The following MAP4 variants were observed in gnomAD, a reference collection of about 807,000 sequenced individuals.
The protein encoded by MAP4 is microtubule-associated protein 4.
A neutral mutation model predicts 170.2 loss-of-function variants in MAP4; 76 were observed. That is an observed-to-expected ratio of 0.45 (90% CI 0.37 to 0.54). MAP4 has a LOEUF of 0.54. Ranked by LOEUF, MAP4 falls within the 20% of genes least tolerant of loss-of-function variation. MAP4 has a pLI of 0.00. For missense variants in MAP4, 2,506 were observed against 2,748.0 expected (o/e 0.91, Z 1.97); for synonymous variants, 909 against 994.5 (o/e 0.91, Z 1.62).
At chr3:47,921,997 G>C (rs1427021344) in intron 4 of MAP4, 119 bp from the exon 5 acceptor site, 1 of 592,588 alleles carries the variant, frequency 1.7e-6, no homozygotes, top group Non-Finnish European at 3.0e-6. Context: ...GCCAAGGCTG[G>C]AGTGCAGTGG....
rs751314646 is a variant in MAP4 at position 47,875,907 on chromosome 3, G to C, written c.5542-7C>G. On this transcript the variant is annotated splice_polypyrimidine_tract_variant and splice_region_variant and intron_variant, in intron 11 of 20. Coordinates refer to ENST00000683076, the MANE Select transcript of MAP4 (RefSeq NM_001385682.1). ...GTTGAGTGGTGGCCAAAGGCTTTAG[G>C]TTGATTGTTGTTTATTTTTTATTTT... 4.5e-6 allele frequency: 7 copies of C among 1,571,858 alleles called. No individual in the cohort carries two copies. Among genetic ancestry groups the C allele is most frequent in the Admixed American group, 4.1e-5 (2 of 48,586 alleles).
At position 47,921,814 on chromosome 3, in the gene MAP4, A is replaced by G; in HGVS notation, c.480T>C (p.Ala160=). The G allele has an allele frequency of 6.2e-7, 1 of 1,612,296 alleles. No individual in the cohort carries two copies. The highest frequency in any genetic ancestry group is 8.5e-7 in the Non-Finnish European group (1 of 1,178,290). The change falls in exon 5 of 21, where the codon GCT becomes GCC. Residue 160 remains alanine, a synonymous_variant. Coordinates refer to ENST00000683076, the MANE Select transcript of MAP4 (RefSeq NM_001385682.1). ...ADLVFPSSAT[A]DTSIFAGQND... is the part of the protein sequence containing the mutation. Reference sequence around the variant, plus strand: ...TTTGTCCTGCAAATATTGAAGTATCAGCTGTCGCACTGGAGGGAAAGACCA... The same window carrying G: ...TTTGTCCTGCAAATATTGAAGTATCGGCTGTCGCACTGGAGGGAAAGACCA...
intron 8 of MAP4, 118 bp downstream of exon 8, chr3:47,914,699 T>C (rs2100037670): frequency 1.7e-6 from 2 of 1,211,500 alleles, no homozygotes; most frequent in African/African-American, 1.5e-5. Flanking sequence ...GAGAATTGAC[T>C]TCATAAACTA....
chr3:47,913,654 T>C (rs531449555), intron 8 of MAP4, among the ~76,000 whole-genome samples: 1 of 152,272 alleles, frequency 6.6e-6, no homozygotes, highest in African/African-American at 2.4e-5. Context: ...CCATAAGCAC[T>C]TGATAAATCT....
intron 1 of MAP4, among the ~76,000 whole-genome samples, chr3:48,080,204 G>T (rs772791204): frequency 7.2e-5 from 11 of 152,168 alleles, no homozygotes; most frequent in Middle Eastern, 3.2e-3. Context: ...TCATTATCCG[G>T]AAAATCTTTC....
chr3:47,866,257 A>G (rs2079634921), intron 17 of MAP4, among the ~76,000 whole-genome samples: 1 of 151,708 alleles, frequency 6.6e-6, no homozygotes, highest in African/African-American at 2.4e-5. Context: ...GAATTGACTG[A>G]CCCTGGTAGG....
At chr3:47,987,928 C>T (rs1040609271) in intron 2 of MAP4, among the ~76,000 whole-genome samples, 1 of 152,180 alleles carries the variant, frequency 6.6e-6, no homozygotes, top group South Asian at 2.1e-4. Context: ...GGCACGGTGG[C>T]TCACGCCTGT....
intron 8 of MAP4, 128 bp downstream of exon 8, chr3:47,914,689 G>A: frequency 9.1e-7 from 1 of 1,096,536 alleles, no homozygotes; most frequent in Middle Eastern, 2.2e-4. Context: ...ATCTGTCTAA[G>A]AGAATTGACT....
At chr3:47,927,373 C>T (rs1471359918) in intron 4 of MAP4, among the ~76,000 whole-genome samples, 3 of 152,170 alleles carry the variant, frequency 2.0e-5, no homozygotes, top group African/African-American at 7.2e-5. Flanking sequence ...ATCTGGCTAA[C>T]AGGGAAGTAC....
chr3:47,944,462 A>G (rs1006695585), intron 3 of MAP4, among the ~76,000 whole-genome samples: 1 of 152,022 alleles, frequency 6.6e-6, no homozygotes, highest in African/African-American at 2.4e-5. Context: ...TGTTTCCTCT[A>G]CCATAAATTT....
At chr3:47,919,107 A>G (rs1160727573) in intron 5 of MAP4, among the ~76,000 whole-genome samples, 1 of 149,870 alleles carries the variant, frequency 6.7e-6, no homozygotes, top group Non-Finnish European at 1.5e-5. Flanking sequence ...AATTTTTTGT[A>G]TTTTTAGTAG....
intron 4 of MAP4, among the ~76,000 whole-genome samples, chr3:47,927,327 A>G (rs1449419639): frequency 6.6e-6 from 1 of 152,184 alleles, no homozygotes; most frequent in Non-Finnish European, 1.5e-5. Flanking sequence ...TCAAAAAAGA[A>G]GCCATATTTA....
rs761068137 is a variant in MAP4 at position 47,870,862 on chromosome 3, G to A, written c.6245C>T (p.Ser2082Phe). The A allele has an allele frequency of 8.7e-6, 14 of 1,605,200 alleles. No individual in the cohort carries two copies. Among genetic ancestry groups the A allele is most frequent in the East Asian group, 2.2e-5 (1 of 44,774 alleles). The stretch of plus-strand genomic sequence containing the variant: ...GATGTTTTCCGTGGAGCCAACCTTG[G>A]AGCGGACATTCTTCAGATCAGGAGC... The part of the protein sequence containing the change: ...TSAPDLKNVR[S>F]KVGSTENIKH... The change falls in exon 15 of 21, where the codon TCC becomes TTC. Residue 2082 changes from serine (S) to phenylalanine (F), a missense_variant. Around this residue, in one of 3 missense-constraint regions of MAP4, gnomAD observed 487 missense variants for 511.6 expected, o/e 0.95. Coordinates refer to ENST00000683076, the MANE Select transcript of MAP4 (RefSeq NM_001385682.1).
chr3:48,012,262 C>CT (rs1559790857), intron 1 of MAP4, among the ~76,000 whole-genome samples: 1 of 152,172 alleles, frequency 6.6e-6, no homozygotes, highest in South Asian at 2.1e-4. Context: ...CATGTTCTCT[C>CT]TTTTTGCTAA....
intron 10 of MAP4, among the ~76,000 whole-genome samples, chr3:47,893,336 G>A (rs2100025078): frequency 6.6e-6 from 1 of 152,176 alleles, no homozygotes; most frequent in Non-Finnish European, 1.5e-5. Context: ...TTCCTTGGAT[G>A]AGCTGGGTTG....
chr3:48,028,293 G>C (rs536467955), intron 1 of MAP4, among the ~76,000 whole-genome samples: 11 of 151,562 alleles, frequency 7.3e-5, no homozygotes, highest in Middle Eastern at 3.4e-3. Flanking sequence ...CACCATCTCT[G>C]GGGGGGGAGG....
At chr3:47,894,203 T>C (rs1315389140) in intron 10 of MAP4, among the ~76,000 whole-genome samples, 1 of 152,176 alleles carries the variant, frequency 6.6e-6, no homozygotes, top group East Asian at 1.9e-4. Flanking sequence ...CCATACTCTA[T>C]GGCAAAGATC....
At chr3:47,937,928 C>T (rs1233227919) in intron 3 of MAP4, among the ~76,000 whole-genome samples, 1 of 150,920 alleles carries the variant, frequency 6.6e-6, no homozygotes, top group Non-Finnish European at 1.5e-5. Context: ...TCCCAAAGTG[C>T]TGGGATTACA....
chr3:47,891,091 C>A, intron 10 of MAP4: 1 of 1,535,164 alleles, frequency 6.5e-7, no homozygotes, highest in Non-Finnish European at 8.7e-7. Flanking sequence ...CAATTTCTTT[C>A]TTCCCTGCCA....
Sources: gnomAD v4.1 joint callset for allele counts (sites outside exome capture counted in the v4.1 genomes callset) on GRCh38, gnomAD v4.1.1 for gene constraint, gnomAD v4.1.1 regional missense constraint, MANE v1.5 for transcripts, NCBI Gene and HGNC (gene_info 2026-07-23, HGNC 2026-07-21) for gene names.